The following GABRB2 variants were observed in gnomAD, a reference collection of about 807,000 sequenced individuals.
The protein encoded by GABRB2 is gamma-aminobutyric acid receptor subunit beta-2.
A neutral mutation model predicts 54.7 loss-of-function variants in GABRB2; 16 were observed. The ratio of observed to expected loss-of-function variants is 0.29; its 90% confidence interval spans 0.20 to 0.44. The LOEUF is 0.44. GABRB2 is among the 20% of genes least tolerant of loss of function. The pLI is 1.00. For missense variants in GABRB2, 355 were observed against 644.0 expected (o/e 0.55, Z 4.86); for synonymous variants, 244 against 233.8 (o/e 1.04, Z -0.40).
chr5:161,293,840 G>A lies in GABRB2; in HGVS notation c.*241C>T, dbSNP rs548839505. On this transcript the variant is annotated 3_prime_UTR_variant, in exon 10 of 10. Coordinates refer to ENST00000393959, the MANE Select transcript of GABRB2 (RefSeq NM_001371727.1). The stretch of plus-strand genomic sequence containing the variant: ...ACAGACAACATGGAGCACTCAGGCT[G>A]TCTAGCCACCATGTGTAAAAATCAC... The A allele has an allele frequency of 6.7e-5, 34 of 507,268 alleles. No individual in the cohort carries two copies. The highest frequency in any genetic ancestry group is 4.4e-4 in the Admixed American group (13 of 29,500). 31.4% of individuals were successfully genotyped at this position (507,268 alleles called of 1,614,324 possible). A position where few individuals can be genotyped will look rare whatever the true frequency, so the allele number is the denominator to read the frequency against.
chr5:161,362,255 A>G (rs1404206754), intron 5 of GABRB2, among the ~76,000 whole-genome samples: 2 of 152,096 alleles, frequency 1.3e-5, no homozygotes, highest in Non-Finnish European at 2.9e-5. Flanking sequence ...TCTTGGCTAT[A>G]TGGGCTCTTC....
chr5:161,291,272 T>C lies in GABRB2; in HGVS notation c.*2809A>G, dbSNP rs1757230847. Reference sequence around the variant, plus strand: ...CTGGCTGTTTATAATTAAAAGAAAATCTATACATATGTATAAACTGATAGT... The same window carrying C: ...CTGGCTGTTTATAATTAAAAGAAAACCTATACATATGTATAAACTGATAGT... On this transcript the variant is annotated 3_prime_UTR_variant, in exon 10 of 10. Transcript: ENST00000393959. The C allele has an allele frequency of 6.6e-6, 1 of 152,252 alleles. No individual in the cohort carries two copies. The highest frequency in any genetic ancestry group is 2.1e-4 in the South Asian group (1 of 4,828). 9.4% of individuals were successfully genotyped at this position (152,252 alleles called of 1,614,324 possible).
chr5:161,391,741 T>C (rs1287583717), intron 5 of GABRB2, among the ~76,000 whole-genome samples: 1 of 152,200 alleles, frequency 6.6e-6, no homozygotes, highest in Middle Eastern at 3.2e-3. Context: ...TAATAGGTAC[T>C]GACCCACAGA....
chr5:161,513,171 G>T (rs1485750714), intron 3 of GABRB2, among the ~76,000 whole-genome samples: 2 of 151,972 alleles, frequency 1.3e-5, no homozygotes, highest in Non-Finnish European at 2.9e-5. Context: ...GCAGTTTGGA[G>T]AGAGGACTTA....
At chr5:161,387,721 T>A (rs1468242948) in intron 5 of GABRB2, among the ~76,000 whole-genome samples, 1 of 152,158 alleles carries the variant, frequency 6.6e-6, no homozygotes, top group East Asian at 1.9e-4. Flanking sequence ...ACTATATAGC[T>A]AAAACTTAAT....
chr5:161,450,435 T>C lies in GABRB2; in HGVS notation c.458+9189A>G, dbSNP rs1232260373. Among the ~76,000 whole-genome samples, 6 of 152,310 alleles carry C rather than the reference T, an allele frequency of 3.9e-5. No individual in the cohort carries two copies. The East Asian group carries it at 9.6e-4, about 24-fold the overall frequency. ...ACAAAATGAGCCCTGGATTATTTCC[T>C]AGGGTTGCTAAATACAAGTCTCTCC... On this transcript the variant is annotated intron_variant, in intron 4 of 9. Transcript: ENST00000393959.
At chr5:161,320,334 A>C (rs1256155937) in intron 9 of GABRB2, among the ~76,000 whole-genome samples, 3 of 151,334 alleles carry the variant, frequency 2.0e-5, no homozygotes, top group East Asian at 1.9e-4. Flanking sequence ...ATTATTTTCT[A>C]AATGTTCTTC....
At chr5:161,348,578 C>T (rs539776106) in intron 5 of GABRB2, among the ~76,000 whole-genome samples, 97 of 152,022 alleles carry the variant, frequency 6.4e-4, no homozygotes, top group South Asian at 1.5e-3. Context: ...AAAGGGTCTC[C>T]GAAACCCCCA....
At chr5:161,360,635 C>A (rs1032861462) in intron 5 of GABRB2, among the ~76,000 whole-genome samples, 5 of 151,800 alleles carry the variant, frequency 3.3e-5, no homozygotes, top group African/African-American at 1.2e-4. Flanking sequence ...AGAAATATTC[C>A]AGCTAAAATA....
At chr5:161,318,004 G>A (rs375350517) in intron 9 of GABRB2, among the ~76,000 whole-genome samples, 47 of 151,958 alleles carry the variant, frequency 3.1e-4, no homozygotes, top group Non-Finnish European at 5.9e-4. Context: ...TGCATAAATC[G>A]TTATATATAT....
rs924192714 is a variant in GABRB2 at position 161,289,369 on chromosome 5, C to G, written c.*4712G>C. ...TAAACCTTTGGTGTGAAGCAGCGTC[C>G]TTTTTTTCCCCCATTATCTCATTTT... is the stretch of plus-strand genomic sequence containing the variant. On this transcript the variant is annotated 3_prime_UTR_variant, in exon 10 of 10. Transcript: ENST00000393959. 2 of 150,096 alleles carry G rather than the reference C, an allele frequency of 1.3e-5. No homozygotes were observed. The highest frequency in any genetic ancestry group is 3.0e-5 in the Non-Finnish European group (2 of 67,572). 9.3% of individuals were successfully genotyped at this position (150,096 alleles called of 1,614,324 possible).
intron 9 of GABRB2, among the ~76,000 whole-genome samples, chr5:161,319,234 A>T (rs930955719): frequency 6.6e-6 from 1 of 150,800 alleles, no homozygotes; most frequent in African/African-American, 2.4e-5. Context: ...AGTTTTTCAT[A>T]AGACAGGTAG....
chr5:161,402,634 A>T (rs925380144), intron 5 of GABRB2, among the ~76,000 whole-genome samples: 1 of 152,180 alleles, frequency 6.6e-6, no homozygotes, highest in African/African-American at 2.4e-5. Context: ...CTAAGGAGAG[A>T]GCCGATCTTC....
intron 9 of GABRB2, among the ~76,000 whole-genome samples, chr5:161,302,941 G>A (rs182528172): frequency 6.6e-6 from 1 of 152,182 alleles, no homozygotes; most frequent in Non-Finnish European, 1.5e-5. Context: ...TGGGAGTTTG[G>A]AACTGGAAAG....
rs1581010111 is a variant in GABRB2, at chr5:161,466,784, C to T, written c.238-6940G>A. Among the ~76,000 whole-genome samples, 3 of 152,008 alleles carry T rather than the reference C, an allele frequency of 2.0e-5. No homozygotes were observed. In the South Asian group the frequency reaches 6.2e-4, roughly 32 times the overall value. ...CATGAGCTTCGGCCCTCCCCTTCCCCTTCATTTATCTTCATTTATATGGTT... is the reference window on the plus strand; with the variant it reads ...CATGAGCTTCGGCCCTCCCCTTCCCTTTCATTTATCTTCATTTATATGGTT... On this transcript the variant is annotated intron_variant, in intron 3 of 9. Transcript: ENST00000393959.
At chr5:161,453,736 A>AT (rs1298860955) in intron 4 of GABRB2, among the ~76,000 whole-genome samples, 4 of 151,780 alleles carry the variant, frequency 2.6e-5, no homozygotes, top group Admixed American at 6.6e-5. Context: ...AGCTTTTTTA[A>AT]TAAAAAAAAG....
intron 3 of GABRB2, among the ~76,000 whole-genome samples, chr5:161,484,634 A>C (rs1053661708): frequency 9.2e-5 from 14 of 152,000 alleles, no homozygotes; most frequent in African/African-American, 3.4e-4. Context: ...GAAAAACATA[A>C]AGGGACATCC....
intron 5 of GABRB2, among the ~76,000 whole-genome samples, chr5:161,379,170 T>C (rs1016862561): frequency 2.6e-5 from 4 of 152,202 alleles, no homozygotes; most frequent in African/African-American, 9.6e-5. Flanking sequence ...CTTCAGGAGC[T>C]GGTGCTCAGT....
intron 4 of GABRB2, among the ~76,000 whole-genome samples, chr5:161,449,413 T>C (rs958130849): frequency 5.3e-5 from 8 of 152,182 alleles, no homozygotes; most frequent in Non-Finnish European, 8.8e-5. Flanking sequence ...TGTCTTTATC[T>C]AATTAAAACT....
Sources: allele counts gnomAD v4.1 joint callset (sites outside exome capture counted in the v4.1 genomes callset), GRCh38; gene constraint gnomAD v4.1.1; transcripts MANE v1.5; gene names NCBI Gene and HGNC (gene_info 2026-07-23, HGNC 2026-07-21).